Variants in BUB1 observed in about 807,000 individuals in gnomAD.
The protein encoded by BUB1 is mitotic checkpoint serine/threonine-protein kinase BUB1.
BUB1 carries 84 observed loss-of-function variants against 135.2 expected under a neutral mutation model. The observed-to-expected ratio is 0.62, with a 90% CI of 0.52 to 0.74. The LOEUF is 0.74. Among genes scored for constraint, BUB1 ranks in the 30% least tolerant of loss-of-function variants. The pLI, the probability that BUB1 is intolerant of heterozygous loss-of-function variation, is 0.00. For synonymous variants in BUB1, 403 were observed against 434.4 expected (o/e 0.93, Z 0.90); for missense variants, 1,162 against 1,288.3 (o/e 0.90, Z 1.50).
intron 5 of BUB1, among the ~76,000 whole-genome samples, 176 bp from the exon 6 acceptor site, chr2:110,669,729 T>C (rs1463206652): frequency 6.6e-6 from 1 of 152,192 alleles, no homozygotes; most frequent in Non-Finnish European, 1.5e-5. Context: ...TTATACAATT[T>C]TCTGATCAAC....
intron 1 of BUB1, among the ~76,000 whole-genome samples, chr2:110,677,453 C>A (rs956983930): frequency 6.6e-6 from 1 of 152,098 alleles, no homozygotes; most frequent in Non-Finnish European, 1.5e-5. Context: ...AGCAGGTTGG[C>A]ACACATCACT....
At chr2:110,661,900 A>T in intron 9 of BUB1, 59 bp from the exon 10 acceptor site, 1 of 1,569,196 alleles carries the variant, frequency 6.4e-7, no homozygotes, top group Non-Finnish European at 8.7e-7. Flanking sequence ...AATACTACTA[A>T]TCAGGCATTA....
Position 110,641,484 on chromosome 2 carries a change from G to A in BUB1, c.2626-20C>T. 6.3e-7 allele frequency: 1 copy of A among 1,592,772 alleles called. No individual in the cohort carries two copies. ...GGCATTCTAGGAACAATGGAAAGTG[G>A]AATCCTGAGTTAGTTGCACAAGATT... On this transcript the variant is annotated intron_variant, in intron 21 of 24. Transcript: ENST00000302759.
intron 3 of BUB1, among the ~76,000 whole-genome samples, chr2:110,673,456 C>T (rs1690477955): frequency 6.6e-6 from 1 of 152,168 alleles, no homozygotes; most frequent in Admixed American, 6.5e-5. Context: ...AAGTGAGAGG[C>T]AGTCTTGTGG....
rs1310538567 is a variant in BUB1 at position 110,637,529 on chromosome 2, A to G, written c.*435T>C. 6.6e-6 allele frequency among the ~76,000 whole-genome samples: 1 copy of G among 152,160 alleles called. No homozygotes were observed. Among genetic ancestry groups the G allele is most frequent in the Admixed American group, 6.5e-5 (1 of 15,270 alleles). The stretch of plus-strand genomic sequence containing the variant: ...GAGAGCAATGAAGAACAGGTACAAT[A>G]AAGGACAGGCAAGCTTTATTCATAA... On this transcript the variant is annotated 3_prime_UTR_variant, in exon 25 of 25. Transcript: ENST00000302759.
intron 17 of BUB1, among the ~76,000 whole-genome samples, chr2:110,651,927 T>C (rs1037508015): frequency 2.0e-5 from 3 of 152,100 alleles, no homozygotes; most frequent in African/African-American, 7.2e-5. Context: ...TCAAACCATC[T>C]AAGTTCATGT....
At chr2:110,655,701 T>G (rs1166851436) in intron 16 of BUB1, 38 bp downstream of exon 16, 2 of 1,458,194 alleles carry the variant, frequency 1.4e-6, no homozygotes, top group African/African-American at 2.8e-5. Flanking sequence ...AGAATCAAAG[T>G]TGGCAGAAGA....
chr2:110,672,804 C>G lies in BUB1; in HGVS notation c.279G>C (p.Gly93=). 6.2e-7 allele frequency: 1 copy of G among 1,613,162 alleles called. No homozygotes were observed. Among genetic ancestry groups the G allele is most frequent in the Non-Finnish European group, 8.5e-7 (1 of 1,179,754 alleles). Residue 93 remains glycine (G), a synonymous_variant, in exon 4 of 25, where the codon GGG becomes GGC. Transcript: ENST00000302759. ...ACAGAGGGGATGACAGGGTTCCAAT[C>G]CCATGGTTGTACAGAAACTCAAAAA... ...HQFFEFLYNH[G]IGTLSSPLYI... is the part of the protein sequence containing the mutation.
chr2:110,647,566 A>AG (rs1375640200), intron 19 of BUB1, among the ~76,000 whole-genome samples: 1 of 152,112 alleles, frequency 6.6e-6, no homozygotes, highest in African/African-American at 2.4e-5. Context: ...TAAAAAAAAA[A>AG]CCCTCTCAGC....
intron 6 of BUB1, among the ~76,000 whole-genome samples, chr2:110,668,052 C>A (rs1443972989): frequency 6.6e-6 from 1 of 152,064 alleles, no homozygotes; most frequent in African/African-American, 2.4e-5. Flanking sequence ...TTAATCTAAT[C>A]AAAGAAAGAG....
intron 10 of BUB1, 126 bp downstream of exon 10, chr2:110,661,456 C>G: frequency 8.2e-7 from 1 of 1,217,454 alleles, no homozygotes; most frequent in Non-Finnish European, 1.1e-6. Flanking sequence ...AACAACATAC[C>G]TATCTAAAAA....
At chr2:110,641,286 T>C in intron 22 of BUB1, 21 bp downstream of exon 22, 2 of 1,595,128 alleles carry the variant, frequency 1.3e-6, no homozygotes, top group Non-Finnish European at 1.7e-6. Context: ...AGAAGAACCC[T>C]GTTAAAAGCA....
chr2:110,653,958 C>G (rs895607138), intron 16 of BUB1, among the ~76,000 whole-genome samples: 1 of 152,180 alleles, frequency 6.6e-6, no homozygotes, highest in African/African-American at 2.4e-5. Flanking sequence ...TGCACTCAGC[C>G]TGGGCAACAT....
intron 16 of BUB1, among the ~76,000 whole-genome samples, chr2:110,655,120 A>G (rs185547245): frequency 5.9e-5 from 9 of 152,350 alleles, no homozygotes; most frequent in East Asian, 3.9e-4. Flanking sequence ...GTTAGGATTC[A>G]ATTCAGATAT....
intron 9 of BUB1, among the ~76,000 whole-genome samples, chr2:110,662,271 A>G (rs1690121649): frequency 6.6e-6 from 1 of 152,242 alleles, no homozygotes; most frequent in South Asian, 2.1e-4. Flanking sequence ...AAATAAATAA[A>G]TAAAATACTT....
chr2:110,639,394 CAAAAAAAAA>C (rs111453356), intron 24 of BUB1, among the ~76,000 whole-genome samples: 20 of 118,186 alleles, frequency 1.7e-4, no homozygotes, highest in Admixed American at 1.4e-3. Context: ...TTCCATAGAC[CAAAAAAAAA>C]AAAAAGAAAA....
rs200184764 is a variant in BUB1, at chr2:110,674,211, C to T, written c.100G>A (p.Val34Ile). ...TTATTCTCAGGAAAATTCTCTTCTA[C>T]CCACTGTATGTATCTAGAAAAATAT... ...LGEWERYIQW[V>I]EENFPENKEY... Residue 34 changes from valine (V) to isoleucine (I), a missense_variant, in exon 3 of 25, where the codon GTA becomes ATA. Transcript: ENST00000302759. The T allele has an allele frequency of 2.9e-4, 469 of 1,608,148 alleles. 2 individuals are homozygous for T. The highest frequency in any genetic ancestry group is 1.5e-3 in the East Asian group (66 of 44,798).
Position 110,672,792 on chromosome 2 carries a change from C to G in BUB1, c.291G>C (p.Leu97=). The G allele has an allele frequency of 6.2e-7, 1 of 1,613,962 alleles. No individual in the cohort carries two copies. Among genetic ancestry groups the G allele is most frequent in the Non-Finnish European group, 8.5e-7 (1 of 1,179,966 alleles). ...CCCAGGCAATGTACAGAGGGGATGA[C>G]AGGGTTCCAATCCCATGGTTGTACA... ...EFLYNHGIGT[L]SSPLYIAWAG... The change falls in exon 4 of 25, where the codon CTG becomes CTC. Residue 97 remains leucine (L), a synonymous_variant. Coordinates refer to ENST00000302759, the MANE Select transcript of BUB1 (RefSeq NM_004336.5).
intron 9 of BUB1, chr2:110,662,055 A>G: frequency 3.7e-6 from 2 of 543,850 alleles, no homozygotes; most frequent in South Asian, 5.4e-5. Flanking sequence ...CTTCTGAACC[A>G]CAGACACCAT....
Sources: allele counts gnomAD v4.1 joint callset (sites outside exome capture counted in the v4.1 genomes callset), GRCh38; gene constraint gnomAD v4.1.1; transcripts MANE v1.5; gene names NCBI Gene and HGNC (gene_info 2026-07-23, HGNC 2026-07-21).